The following TMEM164 variants were observed in gnomAD, a reference collection of about 807,000 sequenced individuals.
TMEM164 encodes RP13-360B22.2.
Under a neutral mutation model 18.8 loss-of-function variants are expected in TMEM164, and 4 were observed. That is an observed-to-expected ratio of 0.21 (90% CI 0.10 to 0.49). The LOEUF is 0.49. Ranked by LOEUF, TMEM164 falls within the 20% of genes least tolerant of loss-of-function variation. TMEM164 has a pLI of 0.98. For synonymous variants in TMEM164, 86 were observed against 101.7 expected (o/e 0.85, Z 0.93); for missense variants, 108 against 239.9 (o/e 0.45, Z 3.63).
intron 2 of TMEM164, among the ~76,000 whole-genome samples, chrX:110,066,989 C>T (rs1031084293): frequency 6.3e-5 from 7 of 111,550 alleles, no homozygotes; most frequent in Non-Finnish European, 1.1e-4. Flanking sequence ...CCCACCTTCT[C>T]CCCTGGGAGG....
chrX:110,027,368 C>G (rs763079376), intron 2 of TMEM164, among the ~76,000 whole-genome samples: 31 of 111,854 alleles, frequency 2.8e-4, no homozygotes, highest in African/African-American at 9.4e-4. Context: ...TAAATTGTCT[C>G]TGTACTTCCC....
intron 2 of TMEM164, among the ~76,000 whole-genome samples, chrX:110,055,631 G>C (rs1026268893): frequency 9.0e-6 from 1 of 111,593 alleles, no homozygotes; most frequent in African/African-American, 3.3e-5. Context: ...ACGTACCTTC[G>C]TTCTTTCAGT....
intron 3 of TMEM164, among the ~76,000 whole-genome samples, chrX:110,088,133 T>C (rs918315334): frequency 8.9e-6 from 1 of 112,406 alleles, no homozygotes; most frequent in African/African-American, 3.2e-5. Context: ...TTAAATAGCA[T>C]GACTTTCCCC....
chrX:110,179,190 C>T (rs918786790), downstream of TMEM164, among the ~76,000 whole-genome samples: 1 of 111,640 alleles, frequency 9.0e-6, no homozygotes, highest in Non-Finnish European at 1.9e-5. Context: ...TGGTTTGTGT[C>T]CTTTCCCCAT....
chrX:110,100,165 C>T (rs1272453404), intron 3 of TMEM164, among the ~76,000 whole-genome samples: 2 of 111,045 alleles, frequency 1.8e-5, no homozygotes, highest in African/African-American at 6.6e-5. Flanking sequence ...CCTTTTCGAT[C>T]TCTATTATTT....
At chrX:110,045,722 G>A (rs959653300) in intron 2 of TMEM164, among the ~76,000 whole-genome samples, 2 of 112,103 alleles carry the variant, frequency 1.8e-5, no homozygotes, top group African/African-American at 3.2e-5. Flanking sequence ...AGTTTGTAAC[G>A]GAAAAGAGCC....
intron 3 of TMEM164, among the ~76,000 whole-genome samples, chrX:110,107,330 C>T (rs2066219021): frequency 1.8e-5 from 2 of 111,701 alleles, no homozygotes; most frequent in African/African-American, 6.5e-5. Context: ...AAACTCGTTT[C>T]CTTATCAACA....
rs191049084 is a variant in TMEM164, at chrX:110,110,498, G to T, written c.507+1352G>T. ...GCTGCCCCACCCTTGGAGAGGATGA[G>T]TTCATGATCTGTGATAAAGCCTGAG... On this transcript the variant is annotated intron_variant, in intron 4 of 6. Transcript: ENST00000372068. Among the ~76,000 whole-genome samples, 968 of 112,322 alleles carry T rather than the reference G, an allele frequency of 8.6e-3. 8 individuals are homozygous for T. Among genetic ancestry groups the T allele is most frequent in the African/African-American group, 0.028 (859 of 30,948 alleles).
At chrX:110,119,069 G>T (rs982086172) in intron 4 of TMEM164, among the ~76,000 whole-genome samples, 1 of 110,939 alleles carries the variant, frequency 9.0e-6, no homozygotes, top group East Asian at 2.8e-4. Context: ...TTTTCCAGGA[G>T]AATTTTTTTT....
intron 2 of TMEM164, among the ~76,000 whole-genome samples, chrX:110,050,666 A>G (rs1190396269): frequency 9.0e-6 from 1 of 111,636 alleles, no homozygotes; most frequent in South Asian, 3.8e-4. Context: ...TTGAAAATCC[A>G]AGCACATGAG....
intron 4 of TMEM164, among the ~76,000 whole-genome samples, chrX:110,134,180 C>G (rs2066651902): frequency 9.0e-6 from 1 of 111,522 alleles, no homozygotes; most frequent in Non-Finnish European, 1.9e-5. Flanking sequence ...GACCACAACT[C>G]TGTTCCCCTG....
chrX:110,075,088 G>T (rs2147872416), intron 3 of TMEM164, among the ~76,000 whole-genome samples: 1 of 112,133 alleles, frequency 8.9e-6, no homozygotes, highest in East Asian at 2.8e-4. Context: ...TCTAATCCAT[G>T]AGAATCTAAT....
At chrX:110,118,461 G>T (rs753826846) in intron 4 of TMEM164, among the ~76,000 whole-genome samples, 42 of 111,252 alleles carry the variant, frequency 3.8e-4, no homozygotes, top group African/African-American at 1.3e-3. Flanking sequence ...TTGTTCCAGG[G>T]TCCACTGTTA....
chrX:110,080,745 G>A (rs1013081612), intron 3 of TMEM164, among the ~76,000 whole-genome samples: 6 of 111,572 alleles, frequency 5.4e-5, no homozygotes, highest in Admixed American at 1.9e-4. Context: ...TCGAGACCAC[G>A]TTTTGCTCTG....
intron 2 of TMEM164, chrX:110,020,366 G>T: frequency 1.3e-6 from 1 of 754,164 alleles, no homozygotes; most frequent in Non-Finnish European, 1.6e-6. Flanking sequence ...TTGAGATGTT[G>T]AGGATGGATT....
chrX:110,163,630 G>A (rs2067121939), intron 5 of TMEM164, among the ~76,000 whole-genome samples: 1 of 112,379 alleles, frequency 8.9e-6, no homozygotes, highest in Non-Finnish European at 1.9e-5. Context: ...GTGAGGTCAA[G>A]TGTTGACTTG....
chrX:110,156,180 G>A (rs900910721), intron 5 of TMEM164, among the ~76,000 whole-genome samples: 6 of 112,087 alleles, frequency 5.4e-5, no homozygotes, highest in Non-Finnish European at 1.1e-4. Context: ...CAAACTTCGT[G>A]TGTTCCTTTG....
intron 3 of TMEM164, among the ~76,000 whole-genome samples, chrX:110,107,159 C>A (rs138514093): frequency 0.052 from 5,786 of 111,626 alleles, 175 homozygotes; most frequent in Non-Finnish European, 0.076. Flanking sequence ...TCTAACCTTC[C>A]ACCTGAGGTC....
intron 2 of TMEM164, among the ~76,000 whole-genome samples, chrX:110,022,516 A>G (rs1352946118): frequency 2.7e-5 from 3 of 111,440 alleles, no homozygotes; most frequent in Non-Finnish European, 5.7e-5. Flanking sequence ...TTGTCACATG[A>G]TGTGACAAGG....
Sources: gnomAD v4.1 joint callset for allele counts (sites outside exome capture counted in the v4.1 genomes callset) on GRCh38, gnomAD v4.1.1 for gene constraint, MANE v1.5 for transcripts, NCBI Gene and HGNC (gene_info 2026-07-23, HGNC 2026-07-21) for gene names.